PCDH15: variants seen among roughly 807,000 people sequenced by gnomAD.
PCDH15 encodes the protein protocadherin-15.
Under a neutral mutation model 178.5 loss-of-function variants are expected in PCDH15, and 129 were observed. The observed-to-expected ratio is 0.72, with a 90% CI of 0.63 to 0.84. The LOEUF (loss-of-function observed/expected upper bound fraction) is 0.84, where lower values mean the gene tolerates loss of function less well. Among genes scored for constraint, PCDH15 ranks in the 40% least tolerant of loss-of-function variants. The pLI, the probability that PCDH15 is intolerant of heterozygous loss-of-function variation, is 0.00. For missense variants in PCDH15, 2,230 were observed against 2,099.9 expected (o/e 1.06, Z -1.21); for synonymous variants, 800 against 732.0 (o/e 1.09, Z -1.50).
At chr10:55,089,381 G>A (rs1320320681) in intron 2 of PCDH15, among the ~76,000 whole-genome samples, 2 of 144,400 alleles carry the variant, frequency 1.4e-5, no homozygotes, top group Non-Finnish European at 3.0e-5. Context: ...AGATAAAATC[G>A]AGCAAAAATA....
chr10:54,635,302 G>T lies in PCDH15; in HGVS notation c.91+28870C>A, dbSNP rs1175987049. Among the ~76,000 whole-genome samples, 3 of 151,448 alleles carry T rather than the reference G, an allele frequency of 2.0e-5. No homozygotes were observed. In the East Asian group the frequency reaches 5.8e-4, roughly 29 times the overall value. ...ATACATGCTTATTTAGCTGAGATTT[G>T]CTTCAAAAACTCGAGTAAAACAAAG... On this transcript the variant is annotated intron_variant, in intron 2 of 37. Transcript: ENST00000644397.
At chr10:55,032,271 T>C (rs1279030884) in intron 2 of PCDH15, among the ~76,000 whole-genome samples, 1 of 152,210 alleles carries the variant, frequency 6.6e-6, no homozygotes, top group Non-Finnish European at 1.5e-5. Flanking sequence ...AAGGCTAGGC[T>C]GTCTGTGTCC....
intron 37 of PCDH15, chr10:53,807,949 T>C (rs1437070862): frequency 6.6e-6 from 1 of 152,124 alleles, no homozygotes; most frequent in Non-Finnish European, 1.5e-5. Context: ...TAGTATCGCA[T>C]TTTTGGAATA....
At chr10:55,033,743 A>AT (rs899346889) in intron 2 of PCDH15, among the ~76,000 whole-genome samples, 11 of 152,146 alleles carry the variant, frequency 7.2e-5, no homozygotes, top group Admixed American at 3.3e-4. Flanking sequence ...GAATAAATGA[A>AT]TTTTTTTTAA....
At chr10:55,251,630 G>A (rs1212858780) in intron 1 of PCDH15, among the ~76,000 whole-genome samples, 1 of 152,092 alleles carries the variant, frequency 6.6e-6, no homozygotes, top group Non-Finnish European at 1.5e-5. Context: ...AATGAAAACT[G>A]CTATGAATGT....
At chr10:54,101,891 C>A (rs2094819181) in intron 15 of PCDH15, among the ~76,000 whole-genome samples, 1 of 152,098 alleles carries the variant, frequency 6.6e-6, no homozygotes, top group African/African-American at 2.4e-5. Context: ...GGGAGGATAA[C>A]TTGAGCCCTG....
At position 53,822,552 on chromosome 10, in the gene PCDH15, T is replaced by G. The variant is rs2076360853; in HGVS notation, c.4368-2322A>C. On this transcript the variant is annotated intron_variant, in intron 32 of 37. Coordinates refer to ENST00000644397, the MANE Select transcript of PCDH15 (RefSeq NM_001384140.1). ...ATTTTCAAAAATATTTCTTTCGGTTTCAATAGGTAACATACAAATAGGTGT... is the reference window on the plus strand; with the variant it reads ...ATTTTCAAAAATATTTCTTTCGGTTGCAATAGGTAACATACAAATAGGTGT... 1.9e-6 allele frequency: 3 copies of G among 1,613,832 alleles called. No individual in the cohort carries two copies. In the East Asian group the frequency reaches 6.7e-5, roughly 36 times the overall value.
intron 1 of PCDH15, among the ~76,000 whole-genome samples, chr10:54,798,896 C>T (rs1207671294): frequency 1.3e-5 from 2 of 152,136 alleles, no homozygotes; most frequent in Non-Finnish European, 2.9e-5. Flanking sequence ...AAAAAAGTTC[C>T]TACAGTCTGA....
chr10:55,280,395 C>T (rs972566422), intron 1 of PCDH15, among the ~76,000 whole-genome samples: 4 of 146,676 alleles, frequency 2.7e-5, no homozygotes, highest in Non-Finnish European at 4.5e-5. Context: ...TCTCTCGCCT[C>T]AGCCTCCTGA....
chr10:54,144,002 T>C (rs1228389374), intron 14 of PCDH15, among the ~76,000 whole-genome samples: 1 of 151,828 alleles, frequency 6.6e-6, no homozygotes, highest in Non-Finnish European at 1.5e-5. Context: ...GCACTTTGGG[T>C]GGTTAATCAG....
In PCDH15 at chr10:54,232,924, C is replaced by CTTTTTTTT. The variant is rs762364718; in HGVS notation, c.985+3891_985+3898dup. 9.0e-3 allele frequency among the ~76,000 whole-genome samples: 979 copies of CTTTTTTTT among 109,010 alleles called. 15 individuals are homozygous for CTTTTTTTT. The highest frequency in any genetic ancestry group is 0.022 in the African/African-American group (580 of 26,746). The allele number at this position is 109,010 out of a possible 152,430, so 71.5% of individuals were successfully genotyped here. On this transcript the variant is annotated intron_variant, in intron 9 of 37. Transcript: ENST00000644397. ...TCTATTGTGTTGTTTAGCTTTCTTT[C>CTTTTTTTT]TTTTTTTTTTTTTTTTTTTTTAAAG...
At chr10:55,160,492 T>C (rs546526646) in intron 2 of PCDH15, among the ~76,000 whole-genome samples, 20 of 152,126 alleles carry the variant, frequency 1.3e-4, no homozygotes, top group African/African-American at 4.6e-4. Flanking sequence ...ACATGTGCTA[T>C]GTCACTGCTT....
intron 8 of PCDH15, among the ~76,000 whole-genome samples, chr10:54,242,826 T>C (rs1181778904): frequency 6.6e-6 from 1 of 152,210 alleles, no homozygotes; most frequent in Admixed American, 6.5e-5. Flanking sequence ...AGAAAGAATA[T>C]GTTCTGATAC....
chr10:54,151,137 G>A (rs1196532196), intron 14 of PCDH15, among the ~76,000 whole-genome samples: 1 of 152,066 alleles, frequency 6.6e-6, no homozygotes, highest in African/African-American at 2.4e-5. Flanking sequence ...CATATTAATA[G>A]TTTTTAAAAC....
chr10:54,781,519 G>A (rs938339967), intron 1 of PCDH15, among the ~76,000 whole-genome samples: 1 of 152,054 alleles, frequency 6.6e-6, no homozygotes, highest in Non-Finnish European at 1.5e-5. Context: ...CCTGAAATGT[G>A]ATTATAAAAT....
At chr10:55,605,376 A>G (rs1843191662) in intron 2 of PCDH15, among the ~76,000 whole-genome samples, 1 of 151,322 alleles carries the variant, frequency 6.6e-6, no homozygotes, top group Admixed American at 6.6e-5. Flanking sequence ...AAAAGAGGGA[A>G]TCCTCCCTAA....
At chr10:54,189,808 G>T (rs570085501) in intron 11 of PCDH15, among the ~76,000 whole-genome samples, 1 of 151,920 alleles carries the variant, frequency 6.6e-6, no homozygotes, top group South Asian at 2.1e-4. Context: ...TTAACACCTT[G>T]TGCCTTACCT....
At chr10:55,409,877 A>G (rs1321842230) in intron 2 of PCDH15, among the ~76,000 whole-genome samples, 1 of 152,202 alleles carries the variant, frequency 6.6e-6, no homozygotes, top group Non-Finnish European at 1.5e-5. Context: ...CTAATAAAAA[A>G]GAGAAATTTG....
intron 1 of PCDH15, among the ~76,000 whole-genome samples, chr10:55,291,957 C>T (rs1383852874): frequency 6.6e-6 from 1 of 152,090 alleles, no homozygotes; most frequent in Non-Finnish European, 1.5e-5. Flanking sequence ...AAAGACCTGC[C>T]CACATGACTC....
Sources: gnomAD v4.1 joint callset for allele counts (sites outside exome capture counted in the v4.1 genomes callset) on GRCh38, gnomAD v4.1.1 for gene constraint, MANE v1.5 for transcripts, NCBI Gene and HGNC (gene_info 2026-07-23, HGNC 2026-07-21) for gene names.